DCC: variants seen among roughly 807,000 people sequenced by gnomAD.
DCC encodes the protein netrin receptor DCC.
In DCC, 58 loss-of-function variants were observed where a neutral mutation model predicts 172.5. The observed-to-expected ratio is 0.34, with a 90% CI of 0.27 to 0.42. DCC has a LOEUF of 0.42. Among genes scored for constraint, DCC ranks in the 10% least tolerant of loss-of-function variants. The pLI, the probability that DCC is intolerant of heterozygous loss-of-function variation, is 1.00. For synonymous variants in DCC, 709 were observed against 644.5 expected (o/e 1.10, Z -1.52); for missense variants, 1,740 against 1,791.0 (o/e 0.97, Z 0.51).
At chr18:53,422,858 T>A (rs1052604643) in intron 21 of DCC, among the ~76,000 whole-genome samples, 75 of 152,298 alleles carry the variant, frequency 4.9e-4, no homozygotes, top group African/African-American at 1.8e-3. Flanking sequence ...TTATTGTGCA[T>A]AGTTTCAACA....
chr18:53,174,484 T>C, intron 8 of DCC, among the ~76,000 whole-genome samples: 1 of 147,142 alleles, frequency 6.8e-6, no homozygotes, highest in Non-Finnish European at 1.5e-5. Flanking sequence ...TAAAAAATGA[T>C]AAAGGGGATA....
chr18:53,527,025 A>G lies in DCC; in HGVS notation c.4254+266A>G, dbSNP rs1167647964. On this transcript the variant is annotated intron_variant, in intron 28 of 28. Transcript: ENST00000442544. The stretch of plus-strand genomic sequence containing the variant: ...AGAAATATGACCAGATAGCTACAGA[A>G]CGTGTGGTTTTACACCCATATATGT... The G allele has an allele frequency of 1.3e-5, 6 of 457,466 alleles. No homozygotes were observed. The East Asian group carries it at 2.2e-4, about 17-fold the overall frequency. 28.3% of individuals were successfully genotyped at this position (457,466 alleles called of 1,614,324 possible).
chr18:53,482,058 G>A (rs2045838549), intron 25 of DCC, among the ~76,000 whole-genome samples: 2 of 152,068 alleles, frequency 1.3e-5, no homozygotes, highest in African/African-American at 4.8e-5. Context: ...TTGTGTGTTT[G>A]TGTGTATGTG....
At chr18:52,791,805 A>G (rs78579906) in intron 2 of DCC, among the ~76,000 whole-genome samples, 5,808 of 152,212 alleles carry the variant, frequency 0.038, 157 homozygotes, top group Non-Finnish European at 0.051. Context: ...CCCTTAGAGA[A>G]TGGTTCCAGT....
chr18:53,270,503 T>A (rs569837188), intron 12 of DCC, among the ~76,000 whole-genome samples: 1 of 152,276 alleles, frequency 6.6e-6, no homozygotes, highest in East Asian at 1.9e-4. Context: ...AACATTAAAA[T>A]GACGGTTTTG....
chr18:53,533,909 G>A lies in DCC; in HGVS notation c.*3256G>A, dbSNP rs961171982. On this transcript the variant is annotated 3_prime_UTR_variant, in exon 29 of 29. Transcript: ENST00000442544. ...CCTGCTTTGGTTCCAGCTACACAAG[G>A]AGAGCCATCCTGTGCTAGTGTGATG... The A allele has an allele frequency of 6.6e-6, 1 of 152,170 alleles. No homozygotes were observed. The highest frequency in any genetic ancestry group is 1.5e-5 in the Non-Finnish European group (1 of 68,024). 9.4% of individuals were successfully genotyped at this position (152,170 alleles called of 1,614,324 possible). A position where few individuals can be genotyped will look rare whatever the true frequency, so the allele number is the denominator to read the frequency against.
chr18:52,561,724 G>A (rs533810697), intron 1 of DCC, among the ~76,000 whole-genome samples: 11 of 152,202 alleles, frequency 7.2e-5, no homozygotes, highest in Admixed American at 1.3e-4. Context: ...AAATTATATG[G>A]TGATATTCAC....
chr18:52,449,064 A>C (rs905221296), intron 1 of DCC, among the ~76,000 whole-genome samples: 7 of 152,250 alleles, frequency 4.6e-5, no homozygotes, highest in Non-Finnish European at 7.3e-5. Flanking sequence ...ATCATGCCAG[A>C]AGGCAAGAAG....
At chr18:52,886,225 A>G (rs1042292500) in intron 2 of DCC, among the ~76,000 whole-genome samples, 1 of 152,002 alleles carries the variant, frequency 6.6e-6, no homozygotes, top group South Asian at 2.1e-4. Context: ...AGGACTAGGA[A>G]TTGCCTAGGA....
chr18:53,234,140 C>A (rs575322291), intron 12 of DCC, among the ~76,000 whole-genome samples: 14 of 152,300 alleles, frequency 9.2e-5, no homozygotes, highest in African/African-American at 3.4e-4. Context: ...ATCCCAGCTA[C>A]TCTGGAGGCT....
At chr18:53,354,295 G>A (rs888001223) in intron 15 of DCC, among the ~76,000 whole-genome samples, 10 of 152,162 alleles carry the variant, frequency 6.6e-5, no homozygotes, top group Admixed American at 1.3e-4. Flanking sequence ...GGATGGCTGA[G>A]TCAAATGGTA....
At chr18:52,475,531 G>C (rs1598847776) in intron 1 of DCC, among the ~76,000 whole-genome samples, 1 of 152,068 alleles carries the variant, frequency 6.6e-6, no homozygotes, top group Admixed American at 6.6e-5. Flanking sequence ...TTTTTCTATG[G>C]GGGTGGGGGA....
intron 12 of DCC, among the ~76,000 whole-genome samples, chr18:53,284,137 G>A (rs1001594429): frequency 6.6e-6 from 1 of 152,112 alleles, no homozygotes; most frequent in African/African-American, 2.4e-5. Flanking sequence ...CAAACCCTCT[G>A]AAAGAATACC....
At chr18:53,167,353 G>C (rs768833401) in intron 8 of DCC, among the ~76,000 whole-genome samples, 4 of 152,184 alleles carry the variant, frequency 2.6e-5, no homozygotes, top group Non-Finnish European at 4.4e-5. Context: ...AACACTTGTA[G>C]ATACAGGAGA....
intron 2 of DCC, among the ~76,000 whole-genome samples, chr18:52,850,705 AATG>A (rs1404230527): frequency 6.6e-6 from 1 of 152,092 alleles, no homozygotes; most frequent in Admixed American, 6.6e-5. Flanking sequence ...TAATTTTTAT[AATG>A]ATTTCACCAA....
intron 1 of DCC, among the ~76,000 whole-genome samples, chr18:52,736,097 C>A (rs2145102937): frequency 6.6e-6 from 1 of 152,116 alleles, no homozygotes; most frequent in African/African-American, 2.4e-5. Flanking sequence ...AGAATTAATC[C>A]TACACAGGAA....
intron 9 of DCC, among the ~76,000 whole-genome samples, chr18:53,198,519 A>G (rs1190947755): frequency 2.0e-5 from 3 of 151,990 alleles, no homozygotes; most frequent in Admixed American, 6.6e-5. Flanking sequence ...TATGTAATCA[A>G]TCATGCTTTG....
intron 1 of DCC, among the ~76,000 whole-genome samples, chr18:52,384,620 G>T (rs766061269): frequency 2.0e-5 from 3 of 152,110 alleles, no homozygotes; most frequent in East Asian, 1.9e-4. Context: ...TAGCAGGAGA[G>T]TTGACTGTTC....
chr18:52,421,853 C>T (rs1324533472), intron 1 of DCC, among the ~76,000 whole-genome samples: 1 of 152,160 alleles, frequency 6.6e-6, no homozygotes, highest in African/African-American at 2.4e-5. Context: ...TTCTTTAGCA[C>T]TTACCGGCCC....
Sources: allele counts gnomAD v4.1 joint callset (sites outside exome capture counted in the v4.1 genomes callset), GRCh38; gene constraint gnomAD v4.1.1; transcripts MANE v1.5; gene names NCBI Gene and HGNC (gene_info 2026-07-23, HGNC 2026-07-21).